The following CCND3 variants were observed in gnomAD, a reference collection of about 807,000 sequenced individuals.
CCND3 encodes the protein cyclin D3.
In CCND3, 9 loss-of-function variants were observed where a neutral mutation model predicts 28.7. The ratio of observed to expected loss-of-function variants is 0.31; its 90% CI spans 0.19 to 0.55. CCND3 has a LOEUF of 0.55. Among genes scored for constraint, CCND3 ranks in the 20% least tolerant of loss-of-function variants. CCND3 has a pLI of 0.93. For synonymous variants in CCND3, 164 were observed against 163.9 expected, an observed-to-expected ratio of 1.00 and a Z score of 0.00; for missense variants, 315 against 385.8, an observed-to-expected ratio of 0.82 and a Z score of 1.54.
intron 1 of CCND3, among the ~76,000 whole-genome samples, chr6:42,013,238 G>A (rs1265244241): frequency 1.3e-5 from 2 of 152,172 alleles, no homozygotes; most frequent in African/African-American, 4.8e-5. Context: ...TACAGCCTAA[G>A]GTAGAGTTGG....
intron 1 of CCND3, among the ~76,000 whole-genome samples, chr6:41,979,615 CTCTCTG>C (rs1288482713): frequency 2.9e-4 from 3 of 10,206 alleles, no homozygotes; most frequent in South Asian, 0.012. Flanking sequence ...GAAAAAATCT[CTCTCTG>C]TCTCTCTCTC....
intron 1 of CCND3, among the ~76,000 whole-genome samples, chr6:42,022,506 C>T (rs983949938): frequency 6.6e-6 from 1 of 152,196 alleles, no homozygotes; most frequent in African/African-American, 2.4e-5. Flanking sequence ...CGGTGTGCAG[C>T]GGGCACATCC....
At chr6:41,965,181 T>C (rs1301437879) in intron 1 of CCND3, among the ~76,000 whole-genome samples, 4 of 149,784 alleles carry the variant, frequency 2.7e-5, no homozygotes, top group African/African-American at 7.4e-5. Context: ...GCAATTCTCC[T>C]GTCTCAGCAT....
rs562462851 is a variant in CCND3 at position 41,940,884 on chromosome 6, C to G, written c.199-299G>C. 21 of 1,434,030 alleles carry G rather than the reference C, an allele frequency of 1.5e-5. No individual in the cohort carries two copies. The South Asian group carries it at 2.4e-4, about 16-fold the overall frequency. The allele number at this position is 1,434,030 out of a possible 1,614,324, so 88.8% of individuals were successfully genotyped here. A position where few individuals can be genotyped will look rare whatever the true frequency, so the allele number is the denominator to read the frequency against. On this transcript the variant is annotated intron_variant, in intron 1 of 4. Coordinates refer to ENST00000372991, the MANE Select transcript of CCND3 (RefSeq NM_001760.5). ...TCCCCCACAGCGAGGGGAAGTGGGA[C>G]GCAAGGGTCACCCATGGTAGCCAGA...
Position 41,940,540 on chromosome 6 carries a change from T to C in CCND3, c.244A>G (p.Met82Val), listed in dbSNP as rs772291509. 5 of 1,610,756 alleles carry C rather than the reference T, an allele frequency of 3.1e-6. No homozygotes were observed. The highest frequency in any genetic ancestry group is 4.2e-6 in the Non-Finnish European group (5 of 1,178,656). ...RCEEEVFPLAMNYLDRYLSCV... is the reference protein window; with the variant it reads ...RCEEEVFPLAVNYLDRYLSCV... ...GACAGGTAGCGATCCAGGTAGTTCA[T>C]GGCCAGGGGGAAGACTTCCTCCTCA... The change falls in exon 2 of 5, where the codon ATG (methionine) becomes GTG (valine). Residue 82 changes from methionine to valine, a missense_variant. Transcript: ENST00000372991.
At position 42,022,279 on chromosome 6, in the gene CCND3, C is replaced by T. The variant is rs1465336484; in HGVS notation, c.-46+26222G>A. On this transcript the variant is annotated intron_variant, in intron 1 of 4. Coordinates refer to the CCND3 transcript ENST00000372988. ...TCTCCTATAATGTCTTTCATATTTACCAGTATCTAGCACTATGATGGTTCA... is the reference window on the plus strand; with the variant it reads ...TCTCCTATAATGTCTTTCATATTTATCAGTATCTAGCACTATGATGGTTCA... Among the ~76,000 whole-genome samples the T allele has an allele frequency of 2.0e-5, 3 of 152,152 alleles. No homozygotes were observed. The East Asian group carries it at 5.8e-4, about 29-fold the overall frequency.
At chr6:42,041,806 G>C (rs988714460) in intron 1 of CCND3, among the ~76,000 whole-genome samples, 8 of 152,218 alleles carry the variant, frequency 5.3e-5, no homozygotes, top group Admixed American at 5.2e-4. Flanking sequence ...CCCAGGGACA[G>C]GCAGACTGGG....
At chr6:41,937,756 C>A in intron 2 of CCND3, 1 of 278,860 alleles carries the variant, frequency 3.6e-6, no homozygotes, top group Non-Finnish European at 7.0e-6. Context: ...CAGCAGATAC[C>A]ACAGCATCAC....
intron 1 of CCND3, among the ~76,000 whole-genome samples, chr6:42,036,403 A>ATATATATATAT (rs57619585): frequency 1.3e-4 from 4 of 31,322 alleles, no homozygotes; most frequent in African/African-American, 4.3e-4. Flanking sequence ...ATATATATAT[A>ATATATATATAT]TTTTTTTTTT....
intron 1 of CCND3, among the ~76,000 whole-genome samples, chr6:42,031,672 C>A (rs562106612): frequency 5.3e-5 from 8 of 152,254 alleles, no homozygotes; most frequent in Admixed American, 3.3e-4. Flanking sequence ...ACTGTTAACA[C>A]TGTGGTATAT....
At chr6:42,023,466 G>A (rs1322005554) in intron 1 of CCND3, among the ~76,000 whole-genome samples, 2 of 152,180 alleles carry the variant, frequency 1.3e-5, no homozygotes, top group Non-Finnish European at 2.9e-5. Context: ...AGAAAACAAA[G>A]TTATGTATTG....
chr6:41,979,639 C>A lies in CCND3; in HGVS notation c.-45-39054G>T, dbSNP rs376975432. Among the ~76,000 whole-genome samples the A allele has an allele frequency of 2.8e-3, 311 of 112,250 alleles. 2 individuals are homozygous for A. The highest frequency in any genetic ancestry group is 3.8e-3 in the Non-Finnish European group (203 of 52,778). The allele number at this position is 112,250 out of a possible 152,430, so 73.6% of individuals were successfully genotyped here. ...TCTCTCTGTCTCTCTCTCTCTCTCT[C>A]TCTCTATATATATATATGTATATAT... is the stretch of plus-strand genomic sequence containing the variant. On this transcript the variant is annotated intron_variant, in intron 1 of 4. Transcript: ENST00000372988.
At chr6:41,966,795 C>CTCTA (rs1761899200) in intron 1 of CCND3, among the ~76,000 whole-genome samples, 1 of 152,086 alleles carries the variant, frequency 6.6e-6, no homozygotes, top group Non-Finnish European at 1.5e-5. Flanking sequence ...GAGGGGAACC[C>CTCTA]AAGCTTTTTG....
intron 1 of CCND3, among the ~76,000 whole-genome samples, chr6:41,975,841 G>GT (rs1762164556): frequency 6.7e-6 from 1 of 149,760 alleles, no homozygotes; most frequent in Non-Finnish European, 1.5e-5. Context: ...AAGCCATTCT[G>GT]TTTTTGTCTG....
chr6:42,038,760 A>G (rs1764296071), intron 1 of CCND3, among the ~76,000 whole-genome samples: 1 of 152,206 alleles, frequency 6.6e-6, no homozygotes, highest in Admixed American at 6.5e-5. Context: ...AACATTCAGA[A>G]GAGTAAAAAG....
At chr6:42,014,267 T>C (rs1009551290) in intron 1 of CCND3, among the ~76,000 whole-genome samples, 4 of 151,734 alleles carry the variant, frequency 2.6e-5, no homozygotes, top group Non-Finnish European at 2.9e-5. Flanking sequence ...CTGGGAGGGC[T>C]GAGGCAGGAG....
intron 1 of CCND3, among the ~76,000 whole-genome samples, chr6:42,036,826 C>G (rs140533666): frequency 6.6e-6 from 1 of 152,232 alleles, no homozygotes; most frequent in African/African-American, 2.4e-5. Context: ...TCTATGAAGT[C>G]AGGCATTAAC....
In CCND3 at chr6:41,939,587, C is replaced by T. The variant is rs1775923399; in HGVS notation, c.414+783G>A. On this transcript the variant is annotated intron_variant, in intron 2 of 4. Transcript: ENST00000372991. The surrounding 1 kb of genome is among the most constrained non-coding windows in gnomAD (Gnocchi z 4.2). ...TCCCAAACCACAGGAGTGACAGCAG[C>T]TCCCCACAGGGTTATGAAAGACCTT... Among the ~76,000 whole-genome samples the T allele has an allele frequency of 6.6e-6, 1 of 152,218 alleles. No individual in the cohort carries two copies. Among genetic ancestry groups the T allele is most frequent in the African/African-American group, 2.4e-5 (1 of 41,450 alleles).
intron 1 of CCND3, among the ~76,000 whole-genome samples, chr6:42,045,032 C>A (rs1582198125): frequency 1.3e-5 from 2 of 148,202 alleles, no homozygotes; most frequent in South Asian, 2.1e-4. Flanking sequence ...TCTCGAACTG[C>A]TGACCTCGTG....
Sources: gnomAD v4.1 joint callset for allele counts (sites outside exome capture counted in the v4.1 genomes callset) on GRCh38, gnomAD v4.1.1 for gene constraint, Gnocchi (gnomAD v3.1) non-coding constraint, MANE v1.5 for transcripts, NCBI Gene and HGNC (gene_info 2026-07-23, HGNC 2026-07-21) for gene names.